Variants in UCHL3 observed in about 807,000 individuals in gnomAD.
The protein encoded by UCHL3 is ubiquitin C-terminal hydrolase L3, also known as ubiquitin carboxyl-terminal hydrolase isozyme L3.
A neutral mutation model predicts 35.8 loss-of-function variants in UCHL3; 22 were observed. The ratio of observed to expected loss-of-function variants is 0.61; its 90% CI spans 0.44 to 0.88. The LOEUF is 0.88. Among genes scored for constraint, UCHL3 ranks in the 40% least tolerant of loss-of-function variants. UCHL3 has a pLI of 0.00. For synonymous variants in UCHL3, 90 were observed against 92.8 expected, an observed-to-expected ratio of 0.97 and a Z score of 0.17; for missense variants, 229 against 276.9, an observed-to-expected ratio of 0.83 and a Z score of 1.23.
rs186227720 is a variant in UCHL3, at chr13:75,554,100, C to G, written c.54+4113C>G. Among the ~76,000 whole-genome samples the G allele has an allele frequency of 2.0e-5, 3 of 152,204 alleles. No homozygotes were observed. In the East Asian group the frequency reaches 5.8e-4, roughly 29 times the overall value. ...AAAGACAGGGTCTTGTTCTATCTCC[C>G]AGGCAGGCTGGATTACAGTGGCACA... is the stretch of plus-strand genomic sequence containing the variant. On this transcript the variant is annotated intron_variant, in intron 2 of 8. Coordinates refer to ENST00000377595, the MANE Select transcript of UCHL3 (RefSeq NM_006002.5).
chr13:75,550,926 G>A lies in UCHL3; in HGVS notation c.54+939G>A, dbSNP rs141961386. Among the ~76,000 whole-genome samples, 269 of 152,274 alleles carry A rather than the reference G, an allele frequency of 1.8e-3. 2 individuals are homozygous for A. The highest frequency in any genetic ancestry group is 6.2e-3 in the African/African-American group (256 of 41,562). Reference sequence around the variant, plus strand: ...CCTCTGTCTTGCTCTCTATCTTAGGGAGGAAACATTTGATCTTTCACCATT... The same window carrying A: ...CCTCTGTCTTGCTCTCTATCTTAGGAAGGAAACATTTGATCTTTCACCATT... On this transcript the variant is annotated intron_variant, in intron 2 of 8. Coordinates refer to ENST00000377595, the MANE Select transcript of UCHL3 (RefSeq NM_006002.5).
chr13:75,580,990 T>C (rs1449014173), intron 6 of UCHL3, among the ~76,000 whole-genome samples: 4 of 152,176 alleles, frequency 2.6e-5, no homozygotes, highest in Non-Finnish European at 5.9e-5. Flanking sequence ...TCATTCAGAG[T>C]TGTGCCGAAT....
intron 2 of UCHL3, among the ~76,000 whole-genome samples, chr13:75,558,002 C>T (rs1381485629): frequency 6.6e-6 from 1 of 150,958 alleles, no homozygotes; most frequent in South Asian, 2.1e-4. Context: ...AAAGTTGACC[C>T]TCTTCTCTAC....
At chr13:75,551,778 A>G (rs2138443526) in intron 2 of UCHL3, among the ~76,000 whole-genome samples, 1 of 152,312 alleles carries the variant, frequency 6.6e-6, no homozygotes. Context: ...TTCAGCTGCT[A>G]GTGGACCTTG....
intron 3 of UCHL3, among the ~76,000 whole-genome samples, chr13:75,563,444 T>G (rs976021986): frequency 2.6e-5 from 4 of 152,224 alleles, no homozygotes; most frequent in Admixed American, 6.5e-5. Flanking sequence ...CCCAGAGTGC[T>G]GGGATTATAG....
intron 6 of UCHL3, among the ~76,000 whole-genome samples, chr13:75,570,085 C>G (rs2031805274): frequency 6.6e-6 from 1 of 152,038 alleles, no homozygotes; most frequent in Non-Finnish European, 1.5e-5. Flanking sequence ...CCAGCCCTGA[C>G]TGTATCACTC....
intron 6 of UCHL3, among the ~76,000 whole-genome samples, chr13:75,574,908 G>A (rs2031975087): frequency 6.6e-6 from 1 of 152,176 alleles, no homozygotes; most frequent in South Asian, 2.1e-4. Flanking sequence ...TGGTATTTGG[G>A]TAGTAGTTAG....
chr13:75,553,896 A>G (rs1240976226), intron 2 of UCHL3, among the ~76,000 whole-genome samples: 1 of 152,186 alleles, frequency 6.6e-6, no homozygotes, highest in South Asian at 2.1e-4. Flanking sequence ...GTTTGAGGTG[A>G]TGAGTTGATG....
chr13:75,572,729 A>T (rs1439481612), intron 6 of UCHL3, among the ~76,000 whole-genome samples: 1 of 152,364 alleles, frequency 6.6e-6, no homozygotes, highest in South Asian at 2.1e-4. Context: ...TAAACAAAAC[A>T]TATCCATTAG....
chr13:75,573,450 C>T (rs978694729), intron 6 of UCHL3, among the ~76,000 whole-genome samples: 7 of 152,074 alleles, frequency 4.6e-5, no homozygotes, highest in Non-Finnish European at 8.8e-5. Context: ...TACCAGGTGC[C>T]TTTAACAACA....
intron 6 of UCHL3, among the ~76,000 whole-genome samples, chr13:75,574,453 G>T (rs1364032102): frequency 6.6e-6 from 1 of 152,092 alleles, no homozygotes; most frequent in Non-Finnish European, 1.5e-5. Context: ...AGACAAACTG[G>T]ACATATATAG....
chr13:75,576,355 A>G (rs2138518099), intron 6 of UCHL3, among the ~76,000 whole-genome samples: 2 of 152,214 alleles, frequency 1.3e-5, no homozygotes, highest in East Asian at 3.9e-4. Flanking sequence ...TCAGCCTCTC[A>G]AGTAGCTGGG....
At chr13:75,573,506 A>G (rs568593628) in intron 6 of UCHL3, among the ~76,000 whole-genome samples, 2 of 152,300 alleles carry the variant, frequency 1.3e-5, no homozygotes, top group African/African-American at 4.8e-5. Flanking sequence ...TCCAACAGCA[A>G]AGTGTCAGCA....
At chr13:75,571,142 A>G (rs916039643) in intron 6 of UCHL3, among the ~76,000 whole-genome samples, 2 of 152,216 alleles carry the variant, frequency 1.3e-5, no homozygotes, top group African/African-American at 2.4e-5. Context: ...TAGTGTTAAA[A>G]TTGGTGATGA....
intron 2 of UCHL3, among the ~76,000 whole-genome samples, chr13:75,552,120 G>A (rs573932928): frequency 6.6e-6 from 1 of 152,272 alleles, no homozygotes; most frequent in East Asian, 1.9e-4. Context: ...GCATGCTTTG[G>A]CATGATTTAG....
intron 6 of UCHL3, among the ~76,000 whole-genome samples, chr13:75,587,965 C>G (rs941934259): frequency 4.6e-5 from 7 of 152,114 alleles, no homozygotes; most frequent in Non-Finnish European, 8.8e-5. Context: ...GTCTGTTGCT[C>G]TCATGTGAAT....
upstream of UCHL3, chr13:75,549,688 C>A (rs1459706148): frequency 6.6e-6 from 7 of 1,062,196 alleles, no homozygotes; most frequent in African/African-American, 3.3e-5. Flanking sequence ...GCCCGTCAAA[C>A]TCTTTTTGGT....
At chr13:75,596,882 A>T (rs754147510) in intron 7 of UCHL3, among the ~76,000 whole-genome samples, 5 of 152,216 alleles carry the variant, frequency 3.3e-5, no homozygotes, top group Non-Finnish European at 7.3e-5. Flanking sequence ...AATTGGTTTG[A>T]AGTAAGAACT....
chr13:75,577,995 AATAAC>A (rs1268823578), intron 6 of UCHL3, among the ~76,000 whole-genome samples: 2 of 152,194 alleles, frequency 1.3e-5, no homozygotes, highest in African/African-American at 4.8e-5. Context: ...AATAATGAAA[AATAAC>A]AGCAGTATTG....
Sources: gnomAD v4.1 joint callset for allele counts (sites outside exome capture counted in the v4.1 genomes callset) on GRCh38, gnomAD v4.1.1 for gene constraint, MANE v1.5 for transcripts, NCBI Gene and HGNC (gene_info 2026-07-23, HGNC 2026-07-21) for gene names.